Variants in IMMP2L observed in about 807,000 individuals in gnomAD.
The protein encoded by IMMP2L is mitochondrial inner membrane protease subunit 2.
A neutral mutation model predicts 19.3 loss-of-function variants in IMMP2L; 18 were observed. The observed-to-expected ratio is 0.93, with a 90% CI of 0.64 to 1.38. IMMP2L has a LOEUF of 1.38. Among genes scored for constraint, IMMP2L ranks in the 40% most tolerant of loss-of-function variants. IMMP2L has a pLI of 0.00. For synonymous variants in IMMP2L, 76 were observed against 73.0 expected, an observed-to-expected ratio of 1.04 and a Z score of -0.21; for missense variants, 233 against 218.2, an observed-to-expected ratio of 1.07 and a Z score of -0.43.
At chr7:111,217,596 G>A (rs937639596) in intron 3 of IMMP2L, among the ~76,000 whole-genome samples, 19 of 152,072 alleles carry the variant, frequency 1.2e-4, no homozygotes, top group Non-Finnish European at 2.6e-4. Flanking sequence ...AGCTAATAAC[G>A]TCCGTTGAGT....
intron 5 of IMMP2L, among the ~76,000 whole-genome samples, chr7:110,885,623 C>A (rs74867886): frequency 0.018 from 2,789 of 152,106 alleles, 87 homozygotes; most frequent in African/African-American, 0.064. Context: ...TTCTACTATA[C>A]ACTCAATGCT....
intron 3 of IMMP2L, among the ~76,000 whole-genome samples, chr7:111,078,623 T>A (rs1292706823): frequency 6.6e-6 from 1 of 152,304 alleles, no homozygotes; most frequent in South Asian, 2.1e-4. Context: ...AAGTGGTATA[T>A]ACAATATATC....
chr7:111,440,744 G>A (rs1338920855), intron 3 of IMMP2L, among the ~76,000 whole-genome samples: 1 of 151,784 alleles, frequency 6.6e-6, no homozygotes, highest in Non-Finnish European at 1.5e-5. Flanking sequence ...GCCATGCACT[G>A]ACCTCTCCTC....
At chr7:110,770,307 C>G (rs908246192) in intron 5 of IMMP2L, among the ~76,000 whole-genome samples, 3 of 152,094 alleles carry the variant, frequency 2.0e-5, no homozygotes, top group African/African-American at 7.2e-5. Flanking sequence ...AAATTCAATC[C>G]TTCATGTGCA....
intron 3 of IMMP2L, among the ~76,000 whole-genome samples, chr7:111,325,316 G>A (rs1020910015): frequency 6.6e-6 from 1 of 151,718 alleles, no homozygotes; most frequent in East Asian, 1.9e-4. Flanking sequence ...TTAAAGATTA[G>A]CTATCTTTAA....
At chr7:111,068,644 ATTTATAATAGCACAAGTATC>A (rs1200987023) in intron 3 of IMMP2L, among the ~76,000 whole-genome samples, 2 of 152,194 alleles carry the variant, frequency 1.3e-5, no homozygotes, top group Non-Finnish European at 1.5e-5. Flanking sequence ...TGTTTTTATT[ATTTATAATAGCACAAGTATC>A]AGCTTTTAGC....
At chr7:110,942,726 A>T in intron 4 of IMMP2L, among the ~76,000 whole-genome samples, 1 of 151,940 alleles carries the variant, frequency 6.6e-6, no homozygotes, top group East Asian at 1.9e-4. Context: ...CTTCAAAAAT[A>T]AAATGTCAGA....
intron 3 of IMMP2L, among the ~76,000 whole-genome samples, chr7:110,972,852 A>G (rs1368452345): frequency 4.6e-5 from 7 of 152,098 alleles, no homozygotes; most frequent in Admixed American, 4.6e-4. Context: ...CAAAGTTGCT[A>G]TGTTAGGGTT....
At chr7:111,254,937 T>C (rs1381958456) in intron 3 of IMMP2L, among the ~76,000 whole-genome samples, 1 of 152,160 alleles carries the variant, frequency 6.6e-6, no homozygotes, top group African/African-American at 2.4e-5. Flanking sequence ...CAAACATATA[T>C]GTAACTCTCA....
At position 111,218,328 on chromosome 7, in the gene IMMP2L, T is replaced by G. The variant is rs181513977; in HGVS notation, c.240-254763A>C. 2.2e-4 allele frequency among the ~76,000 whole-genome samples: 34 copies of G among 152,250 alleles called. 1 individual carries two copies. Among genetic ancestry groups the G allele is most frequent in the Admixed American group, 2.1e-3 (32 of 15,290 alleles). On this transcript the variant is annotated intron_variant, in intron 3 of 5. Transcript: ENST00000405709. ...ATTCTTATAAATGTCATATTTCTTA[T>G]GAAAATTAATGTCTTCCTCCTGAAA...
intron 5 of IMMP2L, among the ~76,000 whole-genome samples, chr7:110,845,766 G>A (rs1242675580): frequency 6.6e-6 from 1 of 151,156 alleles, no homozygotes; most frequent in Non-Finnish European, 1.5e-5. Flanking sequence ...AAATTCATAT[G>A]ATGAAGCTTA....
chr7:110,925,883 A>G (rs570183233), intron 4 of IMMP2L, among the ~76,000 whole-genome samples: 3 of 152,226 alleles, frequency 2.0e-5, no homozygotes, highest in South Asian at 2.1e-4. Flanking sequence ...CTACCCTCTT[A>G]GTAAAACATG....
At chr7:111,394,759 T>C (rs981498437) in intron 3 of IMMP2L, 1 of 163,168 alleles carries the variant, frequency 6.1e-6, no homozygotes, top group African/African-American at 2.4e-5. Flanking sequence ...GACAATTCCA[T>C]GGTTATGAGT....
intron 3 of IMMP2L, among the ~76,000 whole-genome samples, chr7:111,146,435 A>G (rs767323437): frequency 2.0e-5 from 3 of 152,110 alleles, no homozygotes; most frequent in Non-Finnish European, 2.9e-5. Context: ...AAATAAGCAT[A>G]CTTATAGGGA....
chr7:111,295,420 T>C (rs750741735), intron 3 of IMMP2L, among the ~76,000 whole-genome samples: 9 of 151,832 alleles, frequency 5.9e-5, no homozygotes, highest in Non-Finnish European at 1.0e-4. Context: ...CCTTCACACA[T>C]AGACTGTATA....
chr7:111,338,010 C>T (rs1052112365), intron 3 of IMMP2L, among the ~76,000 whole-genome samples: 1 of 152,028 alleles, frequency 6.6e-6, no homozygotes, highest in Non-Finnish European at 1.5e-5. Context: ...GGATAGATTA[C>T]GATTCAGGGC....
intron 3 of IMMP2L, among the ~76,000 whole-genome samples, chr7:111,168,892 C>T (rs574770625): frequency 4.6e-4 from 70 of 151,734 alleles, no homozygotes; most frequent in African/African-American, 1.6e-3. Context: ...TACTACAAAC[C>T]GGGTGCCTTA....
At chr7:110,832,514 C>T (rs1391956124) in intron 5 of IMMP2L, among the ~76,000 whole-genome samples, 2 of 151,950 alleles carry the variant, frequency 1.3e-5, no homozygotes, top group East Asian at 3.9e-4. Flanking sequence ...AAGGGGCCTG[C>T]TGGTGGCGTG....
intron 3 of IMMP2L, among the ~76,000 whole-genome samples, chr7:111,111,942 GTTT>G (rs748410980): frequency 5.9e-5 from 5 of 84,124 alleles, no homozygotes; most frequent in South Asian, 4.8e-4. Context: ...TATATAGTTT[GTTT>G]TTTTTTTTTT....
Sources: allele counts gnomAD v4.1 joint callset (sites outside exome capture counted in the v4.1 genomes callset), GRCh38; gene constraint gnomAD v4.1.1; transcripts MANE v1.5; gene names NCBI Gene and HGNC (gene_info 2026-07-23, HGNC 2026-07-21).